SPOCK3: variants seen among roughly 807,000 people sequenced by gnomAD.
SPOCK3 encodes the protein testican-3.
Under a neutral mutation model 56.6 loss-of-function variants are expected in SPOCK3, and 30 were observed. The observed-to-expected ratio is 0.53, with a 90% CI of 0.40 to 0.72. The LOEUF (loss-of-function observed/expected upper bound fraction) is 0.72. Among genes scored for constraint, SPOCK3 ranks in the 30% least tolerant of loss-of-function variants. The pLI is 0.00. For missense variants in SPOCK3, 527 were observed against 530.0 expected (o/e 0.99, Z 0.06); for synonymous variants, 196 against 183.3 (o/e 1.07, Z -0.56).
chr4:166,804,441 G>A (rs1005491131), intron 6 of SPOCK3, among the ~76,000 whole-genome samples: 1 of 152,054 alleles, frequency 6.6e-6, no homozygotes, highest in African/African-American at 2.4e-5. Context: ...TGAGGTAGAA[G>A]AGGTTAGGGA....
At position 167,224,753 on chromosome 4, in the gene SPOCK3, T is replaced by TG. The variant is rs528294711; in HGVS notation, c.189+9231dup. On this transcript the variant is annotated intron_variant, in intron 2 of 10. Coordinates refer to ENST00000357545, the MANE Select transcript of SPOCK3 (RefSeq NM_001040159.2). ...CAGCTCACTGCAACCTCTGACTCCC[T>TG]GGTTCAAGCGATTCTCTTGCCTCAG... is the stretch of plus-strand genomic sequence containing the variant. Among the ~76,000 whole-genome samples the TG allele has an allele frequency of 5.8e-4, 88 of 152,210 alleles. 4 individuals carry two copies. The South Asian group carries it at 8.3e-3, about 14-fold the overall frequency.
intron 6 of SPOCK3, among the ~76,000 whole-genome samples, chr4:166,884,490 T>G (rs1260880320): frequency 6.6e-6 from 1 of 152,152 alleles, no homozygotes; most frequent in Non-Finnish European, 1.5e-5. Flanking sequence ...CTATTAAGTA[T>G]AGAAAAAATT....
chr4:166,900,360 A>C (rs1735904672), intron 5 of SPOCK3, among the ~76,000 whole-genome samples: 1 of 152,146 alleles, frequency 6.6e-6, no homozygotes, highest in South Asian at 2.1e-4. Context: ...GCTCTTAAAA[A>C]ATAAACTCAA....
intron 2 of SPOCK3, chr4:167,119,723 A>T (rs1424564410): frequency 1.9e-6 from 2 of 1,077,838 alleles, no homozygotes; most frequent in Admixed American, 4.3e-5. Context: ...AGAGAACGTT[A>T]TGTCTATAAC....
intron 2 of SPOCK3, among the ~76,000 whole-genome samples, chr4:167,232,158 T>G (rs1000302111): frequency 6.6e-6 from 1 of 152,092 alleles, no homozygotes; most frequent in Non-Finnish European, 1.5e-5. Context: ...ATAGTTTAAG[T>G]CAAACACATT....
At chr4:166,882,399 G>A (rs1419455250) in intron 6 of SPOCK3, among the ~76,000 whole-genome samples, 1 of 152,122 alleles carries the variant, frequency 6.6e-6, no homozygotes, top group Non-Finnish European at 1.5e-5. Context: ...CTGTACCATG[G>A]TGCTGTCTGG....
intron 2 of SPOCK3, among the ~76,000 whole-genome samples, chr4:167,163,000 T>G (rs2150445303): frequency 6.6e-6 from 1 of 151,996 alleles, no homozygotes; most frequent in South Asian, 2.1e-4. Context: ...AAATATCAAC[T>G]TATACGTCAT....
chr4:166,870,020 G>A (rs1052360531), intron 6 of SPOCK3, among the ~76,000 whole-genome samples: 1 of 152,060 alleles, frequency 6.6e-6, no homozygotes, highest in Admixed American at 6.6e-5. Context: ...TCCTCATGGG[G>A]AGGATCTGAG....
intron 4 of SPOCK3, among the ~76,000 whole-genome samples, chr4:166,992,821 TCC>T (rs1747948114): frequency 6.6e-6 from 1 of 151,178 alleles, no homozygotes; most frequent in Non-Finnish European, 1.5e-5. Flanking sequence ...CTGTACTTTT[TCC>T]CCCCAATTCA....
chr4:166,865,750 A>T (rs1731758653), intron 6 of SPOCK3, among the ~76,000 whole-genome samples: 2 of 152,190 alleles, frequency 1.3e-5, no homozygotes, highest in African/African-American at 4.8e-5. Flanking sequence ...TTCAAGGAGA[A>T]CTACAAACCA....
At chr4:166,784,674 C>T (rs1740548327) in intron 7 of SPOCK3, among the ~76,000 whole-genome samples, 1 of 152,028 alleles carries the variant, frequency 6.6e-6, no homozygotes, top group Non-Finnish European at 1.5e-5. Context: ...CATCTGATTC[C>T]ACATTCAGTC....
At chr4:166,752,469 G>C (rs929794555) in intron 8 of SPOCK3, among the ~76,000 whole-genome samples, 1 of 151,534 alleles carries the variant, frequency 6.6e-6, no homozygotes, top group East Asian at 1.9e-4. Context: ...AGTAAGCCTA[G>C]ATTAAATAAC....
intron 2 of SPOCK3, among the ~76,000 whole-genome samples, chr4:167,135,381 T>C (rs1763026926): frequency 6.6e-6 from 1 of 152,136 alleles, no homozygotes; most frequent in Non-Finnish European, 1.5e-5. Context: ...ATTCCCAGTC[T>C]TACCATTTTT....
intron 6 of SPOCK3, among the ~76,000 whole-genome samples, chr4:166,814,463 G>A (rs1226716458): frequency 6.6e-6 from 1 of 152,052 alleles, no homozygotes; most frequent in Non-Finnish European, 1.5e-5. Flanking sequence ...CATCCTATAG[G>A]CTGCCAGCTC....
chr4:167,119,268 T>C (rs1761676069), intron 2 of SPOCK3, among the ~76,000 whole-genome samples: 2 of 151,964 alleles, frequency 1.3e-5, no homozygotes, highest in Admixed American at 1.3e-4. Flanking sequence ...CTAAGAGAGG[T>C]GAAGAGCAGC....
At chr4:167,176,914 G>A (rs1351613872) in intron 2 of SPOCK3, among the ~76,000 whole-genome samples, 1 of 152,106 alleles carries the variant, frequency 6.6e-6, no homozygotes, top group Non-Finnish European at 1.5e-5. Flanking sequence ...GCAGTACTAA[G>A]TGCAAGGACT....
At chr4:166,860,803 A>ATATATATATATATATATATATATATATG (rs1491145990) in intron 6 of SPOCK3, among the ~76,000 whole-genome samples, 1 of 71,138 alleles carries the variant, frequency 1.4e-5, no homozygotes, top group Non-Finnish European at 3.6e-5. Context: ...ACACAAATTC[A>ATATATATATATATATATATATATATATG]TATATATATA....
intron 2 of SPOCK3, among the ~76,000 whole-genome samples, chr4:167,179,696 C>G (rs547452791): frequency 6.6e-6 from 1 of 152,196 alleles, no homozygotes; most frequent in South Asian, 2.1e-4. Flanking sequence ...TTGTTTTATG[C>G]ATGTCAGAAT....
At chr4:167,042,665 C>T (rs909607244) in intron 3 of SPOCK3, among the ~76,000 whole-genome samples, 1 of 152,058 alleles carries the variant, frequency 6.6e-6, no homozygotes, top group African/African-American at 2.4e-5. Context: ...ACTTACACCA[C>T]CCCCTATAAA....
Sources: gnomAD v4.1 joint callset for allele counts (sites outside exome capture counted in the v4.1 genomes callset) on GRCh38, gnomAD v4.1.1 for gene constraint, MANE v1.5 for transcripts, NCBI Gene and HGNC (gene_info 2026-07-23, HGNC 2026-07-21) for gene names.